The following BRD9 variants were observed in gnomAD, a reference collection of about 807,000 sequenced individuals.
The protein encoded by BRD9 is bromodomain containing 9.
Under a neutral mutation model 68.7 loss-of-function variants are expected in BRD9, and 47 were observed. The observed-to-expected ratio is 0.68, with a 90% confidence interval of 0.54 to 0.87. BRD9 has a LOEUF of 0.87. Ranked by LOEUF, BRD9 falls within the 40% of genes least tolerant of loss-of-function variation. BRD9 has a pLI of 0.00. For synonymous variants in BRD9, 313 were observed against 293.9 expected, an observed-to-expected ratio of 1.06 and a Z score of -0.67; for missense variants, 670 against 748.4, an observed-to-expected ratio of 0.90 and a Z score of 1.22.
At chr5:887,797 G>A (rs1020802638) in intron 5 of BRD9, among the ~76,000 whole-genome samples, 19 of 152,142 alleles carry the variant, frequency 1.2e-4, no homozygotes, top group Non-Finnish European at 2.4e-4. Context: ...GAGAAGCAAC[G>A]ACCCGATTCT....
intron 14 of BRD9, 40 bp downstream of exon 14, chr5:870,433 C>G (rs1749969605): frequency 6.7e-7 from 1 of 1,498,082 alleles, no homozygotes; most frequent in African/African-American, 1.4e-5. Context: ...TCTATCACAC[C>G]TTCACCAGGT....
At position 875,375 on chromosome 5, in the gene BRD9, T is replaced by C. The variant is rs1464223873; in HGVS notation, c.1383+726A>G. On this transcript the variant is annotated intron_variant, in intron 12 of 15. Transcript: ENST00000467963. ...TTTTTTTTTTTTTTTGGAGATGGGG[T>C]CTGGCTCTGTGGCCCAAGCTGGAGT... 2.1e-5 allele frequency among the ~76,000 whole-genome samples: 3 copies of C among 143,930 alleles called. No individual in the cohort carries two copies. The Admixed American group carries it at 2.1e-4, about 10-fold the overall frequency. The allele number at this position is 143,930 out of a possible 152,430, so 94.4% of individuals were successfully genotyped here.
intron 6 of BRD9, 137 bp from the exon 7 acceptor site, chr5:886,844 G>A (rs926450407): frequency 2.1e-5 from 30 of 1,460,010 alleles, no homozygotes; most frequent in South Asian, 1.8e-4. Flanking sequence ...GGGATGGGAT[G>A]GGGATGGTCA....
At chr5:869,630 A>G (rs1749847885) in intron 14 of BRD9, among the ~76,000 whole-genome samples, 1 of 152,230 alleles carries the variant, frequency 6.6e-6, no homozygotes, top group Non-Finnish European at 1.5e-5. Flanking sequence ...TGAAGGCTGA[A>G]TTCATCTATG....
Position 889,634 on chromosome 5 carries a change from G to A in BRD9, c.414C>T (p.Ser138=), listed in dbSNP as rs2150652249. 1 of 1,613,390 alleles carries A rather than the reference G, an allele frequency of 6.2e-7. No individual in the cohort carries two copies. Among genetic ancestry groups the A allele is most frequent in the East Asian group, 2.2e-5 (1 of 44,860 alleles). ...GTTCCAGGAGTTGCTGAATAGGTGTGCTCTCATTTTCGGCTGACAATTTAA... is the reference window on the plus strand; with the variant it reads ...GTTCCAGGAGTTGCTGAATAGGTGTACTCTCATTTTCGGCTGACAATTTAA... The part of the protein sequence containing the change: ...ACRTQPAENE[S]TPIQQLLEHF... The change falls in exon 4 of 16, where the codon AGC becomes AGT. Residue 138 remains serine (S), a synonymous_variant. Coordinates refer to ENST00000467963, the MANE Select transcript of BRD9 (RefSeq NM_023924.5).
chr5:877,626 A>C (rs1273890370), intron 11 of BRD9, among the ~76,000 whole-genome samples: 1 of 152,208 alleles, frequency 6.6e-6, no homozygotes. Context: ...TACACACAGC[A>C]ACATTCTACG....
intron 8 of BRD9, chr5:881,610 G>C (rs1751774824): frequency 8.3e-6 from 2 of 241,938 alleles, no homozygotes; most frequent in Non-Finnish European, 1.6e-5. Context: ...CCATCAGGAG[G>C]ATCCAGGAAG....
Position 891,737 on chromosome 5 carries a change from T to C in BRD9, c.170A>G (p.Asp57Gly). The change falls in exon 2 of 16, where the codon GAC (aspartate) becomes GGC (glycine). Residue 57 changes from aspartate (D) to glycine (G), a missense_variant. Around this residue, in one of 5 missense-constraint regions of BRD9, gnomAD observed 161 missense variants for 148.1 expected, o/e 1.09. Coordinates refer to ENST00000467963, the MANE Select transcript of BRD9 (RefSeq NM_023924.5). The part of the protein sequence containing the change: ...HDSSYYDDRS[D>G]HERERHKEKK... ...TTCTTTGTGCCTCTCTCGCTCATGG[T>C]CTGACCTGTCATCATAGTAACTGGA... 6.4e-7 allele frequency: 1 copy of C among 1,551,738 alleles called. No individual in the cohort carries two copies. The highest frequency in any genetic ancestry group is 8.7e-7 in the Non-Finnish European group (1 of 1,147,012).
At chr5:889,712 A>G (rs1233784453) in intron 3 of BRD9, 65 bp from the exon 4 acceptor site, 2 of 1,595,432 alleles carry the variant, frequency 1.3e-6, no homozygotes, top group East Asian at 2.3e-5. Flanking sequence ...GAGAGCTCCA[A>G]GTTCACAGTA....
chr5:874,512 G>A (rs761936368), intron 12 of BRD9, among the ~76,000 whole-genome samples: 1 of 152,178 alleles, frequency 6.6e-6, no homozygotes, highest in Non-Finnish European at 1.5e-5. Flanking sequence ...ATCAGACAGC[G>A]AGGGTCAGGA....
At chr5:885,506 G>C in intron 7 of BRD9, among the ~76,000 whole-genome samples, 1 of 152,210 alleles carries the variant, frequency 6.6e-6, no homozygotes, top group South Asian at 2.1e-4. Flanking sequence ...CATCACAATT[G>C]CCTCAAGGAC....
At chr5:873,247 C>T (rs753887356) in intron 12 of BRD9, among the ~76,000 whole-genome samples, 4 of 152,138 alleles carry the variant, frequency 2.6e-5, no homozygotes, top group Non-Finnish European at 5.9e-5. Flanking sequence ...CTGGACCCTC[C>T]ACCTAGGACC....
chr5:871,679 TC>T, intron 12 of BRD9, 115 bp from the exon 13 acceptor site: 2 of 968,514 alleles, frequency 2.1e-6, no homozygotes, highest in Non-Finnish European at 3.3e-6. Flanking sequence ...CGAATTCTGC[TC>T]CCCAGTCACA....
At chr5:892,516 G>C in intron 1 of BRD9, 90 bp downstream of exon 1, 1 of 1,490,986 alleles carries the variant, frequency 6.7e-7, no homozygotes, top group Non-Finnish European at 8.9e-7. Flanking sequence ...GACCTCGCCC[G>C]GTGCCCAGGA....
intron 7 of BRD9, among the ~76,000 whole-genome samples, chr5:885,091 T>C (rs1352178758): frequency 1.3e-5 from 2 of 152,178 alleles, no homozygotes; most frequent in Non-Finnish European, 2.9e-5. Flanking sequence ...TCCCCCTCGA[T>C]GCTCAGTCAC....
chr5:867,565 G>A (rs1388310195), intron 14 of BRD9, among the ~76,000 whole-genome samples: 14 of 152,274 alleles, frequency 9.2e-5, no homozygotes, highest in Admixed American at 7.2e-4. Flanking sequence ...GCCCAAGGCC[G>A]TGGGAGCCCA....
At position 873,476 on chromosome 5, in the gene BRD9, A is replaced by C. The variant is rs76641771; in HGVS notation, c.1384-1912T>G. Among the ~76,000 whole-genome samples the C allele has an allele frequency of 7.7e-3, 1,166 of 152,250 alleles. 36 individuals carry two copies. Among genetic ancestry groups the C allele is most frequent in the Admixed American group, 0.063 (969 of 15,292 alleles). ...AATCAGAAAACCTTTGAATCCACCTATAACCTATAAGGCCCTGCTTGCAGA... is the reference window on the plus strand; with the variant it reads ...AATCAGAAAACCTTTGAATCCACCTCTAACCTATAAGGCCCTGCTTGCAGA... On this transcript the variant is annotated intron_variant, in intron 12 of 15. Transcript: ENST00000467963.
chr5:868,114 G>A (rs374697710), intron 14 of BRD9, among the ~76,000 whole-genome samples: 2 of 152,126 alleles, frequency 1.3e-5, no homozygotes, highest in Non-Finnish European at 2.9e-5. Flanking sequence ...ATGAGATCTG[G>A]TTGTTTCAAA....
intron 15 of BRD9, 54 bp downstream of exon 15, chr5:865,360 C>T (rs1245489233): frequency 5.3e-6 from 8 of 1,511,682 alleles, no homozygotes; most frequent in Non-Finnish European, 7.1e-6. Flanking sequence ...GTCTAGACGT[C>T]ACACTGACTG....
Sources: allele counts gnomAD v4.1 joint callset (sites outside exome capture counted in the v4.1 genomes callset), GRCh38; gene constraint gnomAD v4.1.1; regional missense constraint gnomAD v4.1.1; transcripts MANE v1.5; gene names NCBI Gene and HGNC (gene_info 2026-07-23, HGNC 2026-07-21).